The following SSUH2 variants were observed in gnomAD, a reference collection of about 807,000 sequenced individuals.
SSUH2 encodes the protein protein SSUH2 homolog.
A neutral mutation model predicts 55.3 loss-of-function variants in SSUH2; 47 were observed. That is an observed-to-expected ratio of 0.85 (90% CI 0.67 to 1.08). The LOEUF is 1.08. SSUH2 is among the 50% of genes least tolerant of loss of function. The pLI is 0.00. For synonymous variants in SSUH2, 212 were observed against 191.5 expected, an observed-to-expected ratio of 1.11 and a Z score of -0.89; for missense variants, 535 against 490.7, an observed-to-expected ratio of 1.09 and a Z score of -0.85.
At chr3:8,677,616 G>A (rs1705511912) in intron 2 of SSUH2, among the ~76,000 whole-genome samples, 1 of 150,790 alleles carries the variant, frequency 6.6e-6, no homozygotes, top group African/African-American at 2.4e-5. Flanking sequence ...GATGGCAGCT[G>A]GACTTTTAAC....
At chr3:8,623,508 A>C in intron 11 of SSUH2, 41 bp downstream of exon 11, 1 of 1,182,468 alleles carries the variant, frequency 8.5e-7, no homozygotes, top group Non-Finnish European at 1.2e-6. Flanking sequence ...GCAGCCCAGG[A>C]AGAGACGTCA....
chr3:8,679,342 T>G (rs9866692), intron 2 of SSUH2, among the ~76,000 whole-genome samples: 999 of 32,828 alleles, frequency 0.03, 225 homozygotes, highest in East Asian at 0.14. Context: ...TCCCGCCCCT[T>G]GCTCTTCCGA....
At chr3:8,679,398 A>C (rs1410093446) in intron 2 of SSUH2, among the ~76,000 whole-genome samples, 1 of 125,200 alleles carries the variant, frequency 8.0e-6, no homozygotes, top group African/African-American at 2.9e-5. Context: ...GAGGGGACTG[A>C]GAGCCAGCCC....
chr3:8,673,874 T>C (rs537252978), intron 3 of SSUH2, among the ~76,000 whole-genome samples: 2 of 152,326 alleles, frequency 1.3e-5, no homozygotes, highest in East Asian at 3.9e-4. Context: ...ACAAGGTCTC[T>C]GAGGTCATTC....
chr3:8,671,112 G>A (rs1704515260), exon 5 of SSUH2: 1 of 259,474 alleles, frequency 3.9e-6, no homozygotes, highest in Non-Finnish European at 8.7e-6. Flanking sequence ...CGAATTTGAT[G>A]GCAGGGTCTA....
At chr3:8,681,111 T>G (rs780296850) in intron 1 of SSUH2, among the ~76,000 whole-genome samples, 1,066 of 76,624 alleles carry the variant, frequency 0.014, 120 homozygotes, top group Middle Eastern at 0.064. Context: ...GCGAGGCGGG[T>G]TCTGAGAGCC....
intron 8 of SSUH2, chr3:8,626,987 A>C (rs934441944): frequency 6.6e-6 from 1 of 152,162 alleles, no homozygotes; most frequent in African/African-American, 2.4e-5. Context: ...ATGAAAGAAA[A>C]ATAAGTGTCT....
rs74882732 is a variant in SSUH2 at position 8,623,019 on chromosome 3, C to G, written c.981+530G>C. Among the ~76,000 whole-genome samples, 33 of 152,328 alleles carry G rather than the reference C, an allele frequency of 2.2e-4. No individual in the cohort carries two copies. In the East Asian group the frequency reaches 6.4e-3, roughly 29 times the overall value. Reference sequence around the variant, plus strand: ...CAGGCCAACCTCCCACGTTAGGGTCCCCTGGCTGGCTGCAGCAGCAGCAGA... The same window carrying G: ...CAGGCCAACCTCCCACGTTAGGGTCGCCTGGCTGGCTGCAGCAGCAGCAGA... On this transcript the variant is annotated intron_variant, in intron 11 of 11. Coordinates refer to ENST00000544814, the MANE Select transcript of SSUH2 (RefSeq NM_001256748.3).
At chr3:8,630,322 T>C (rs1056080671) in intron 6 of SSUH2, among the ~76,000 whole-genome samples, 1 of 152,216 alleles carries the variant, frequency 6.6e-6, no homozygotes, top group Non-Finnish European at 1.5e-5. Context: ...CTCAGTCGTG[T>C]TTTTGTAATC....
chr3:8,623,320 A>ATTCTGGG, intron 11 of SSUH2: 1 of 521,434 alleles, frequency 1.9e-6, no homozygotes, highest in Non-Finnish European at 3.4e-6. Context: ...TTCTGGGAAT[A>ATTCTGGG]AAAATGCAAA....
At chr3:8,666,519 C>A (rs58351464) in intron 5 of SSUH2, among the ~76,000 whole-genome samples, 1 of 151,900 alleles carries the variant, frequency 6.6e-6, no homozygotes, top group Non-Finnish European at 1.5e-5. Flanking sequence ...CCAGCCAGGG[C>A]ACCATTTCTG....
intron 9 of SSUH2, among the ~76,000 whole-genome samples, chr3:8,626,025 G>T (rs1466096815): frequency 1.3e-5 from 2 of 152,170 alleles, no homozygotes; most frequent in East Asian, 3.8e-4. Flanking sequence ...GCAGAATTTG[G>T]ACTGAGGTCT....
Position 8,625,607 on chromosome 3 carries a change from T to C in SSUH2, c.808A>G (p.Asn270Asp). 6.2e-7 allele frequency: 1 copy of C among 1,614,020 alleles called. No individual in the cohort carries two copies. Among genetic ancestry groups the C allele is most frequent in the Non-Finnish European group, 8.5e-7 (1 of 1,179,932 alleles). ...LFEFVSEHRL[N>D]CPRELLAKAK... is the part of the protein sequence containing the mutation. ...TTAGCAAGGAGCTCCCTGGGGCAGT[T>C]GAGCCGGTGCTCAGACACAAACTCA... The change falls in exon 10 of 12, where the codon AAC (asparagine) becomes GAC (aspartate). Residue 270 changes from asparagine to aspartate, a missense_variant. Transcript: ENST00000544814.
In SSUH2 at chr3:8,635,747, C is replaced by T. The variant is rs1237328276; in HGVS notation, c.127+12G>A. 2 of 1,534,298 alleles carry T rather than the reference C, an allele frequency of 1.3e-6. No individual in the cohort carries two copies. Among genetic ancestry groups the T allele is most frequent in the East Asian group, 4.9e-5 (2 of 40,888 alleles). ...GTAGAAGCCCAAAGAACCAAGCCCT[C>T]TTGGAACTTACTGCCCCCTTGAAGA... On this transcript the variant is annotated intron_variant, in intron 2 of 11. Coordinates refer to ENST00000544814, the MANE Select transcript of SSUH2 (RefSeq NM_001256748.3).
At chr3:8,678,658 A>AT (rs1231763674) in intron 2 of SSUH2, among the ~76,000 whole-genome samples, 1 of 31,248 alleles carries the variant, frequency 3.2e-5, no homozygotes, top group Admixed American at 3.6e-4. Context: ...GGGGGGAGGC[A>AT]CCCCCCGCGA....
chr3:8,681,632 G>A (rs1050509830), intron 1 of SSUH2, among the ~76,000 whole-genome samples: 14 of 149,504 alleles, frequency 9.4e-5, no homozygotes, highest in African/African-American at 3.4e-4. Context: ...CCCATCGCAG[G>A]AGGGTGAGGC....
chr3:8,635,212 T>C, intron 3 of SSUH2, 88 bp downstream of exon 3: 3 of 1,155,202 alleles, frequency 2.6e-6, no homozygotes, highest in Non-Finnish European at 3.6e-6. Flanking sequence ...CCTCCAGGGA[T>C]CCTGATGCAC....
At chr3:8,671,766 A>G (rs745409611) in intron 4 of SSUH2, 1 of 152,036 alleles carries the variant, frequency 6.6e-6, no homozygotes, top group African/African-American at 2.4e-5. Flanking sequence ...GGTAGTAGAC[A>G]AAAGATCCTA....
chr3:8,656,555 A>G (rs1372489839), intron 7 of SSUH2, among the ~76,000 whole-genome samples: 5 of 152,088 alleles, frequency 3.3e-5, no homozygotes, highest in Admixed American at 3.3e-4. Flanking sequence ...ATGCCCCACC[A>G]TGTGCCCTAG....
Sources: allele counts gnomAD v4.1 joint callset (sites outside exome capture counted in the v4.1 genomes callset), GRCh38; gene constraint gnomAD v4.1.1; transcripts MANE v1.5; gene names NCBI Gene and HGNC (gene_info 2026-07-23, HGNC 2026-07-21).